The following SCLT1 variants were observed in gnomAD, a reference collection of about 807,000 sequenced individuals.
SCLT1 encodes sodium channel-associated protein 1.
In SCLT1, 78 loss-of-function variants were observed where a neutral mutation model predicts 112.8. The observed-to-expected ratio is 0.69, with a 90% CI of 0.58 to 0.83. The LOEUF (loss-of-function observed/expected upper bound fraction) is 0.83. Ranked by LOEUF, SCLT1 falls within the 40% of genes least tolerant of loss-of-function variation. SCLT1 has a pLI of 0.00. For missense variants in SCLT1, 747 were observed against 770.4 expected (o/e 0.97, Z 0.36); for synonymous variants, 257 against 254.7 (o/e 1.01, Z -0.09).
chr4:129,015,116 C>T (rs950890593), intron 5 of SCLT1, among the ~76,000 whole-genome samples: 2 of 152,034 alleles, frequency 1.3e-5, no homozygotes, highest in African/African-American at 4.8e-5. Flanking sequence ...TCTGTTCCCA[C>T]CAAGGCTCTG....
rs138628601 is a variant in SCLT1 at position 129,077,658 on chromosome 4, A to C, written c.102+4648T>G. Reference sequence around the variant, plus strand: ...ACAAAAAGGGGAAACACAAATTTATAAAAGATTTCTGTTGCTAGTAGCAAC... The same window carrying C: ...ACAAAAAGGGGAAACACAAATTTATCAAAGATTTCTGTTGCTAGTAGCAAC... On this transcript the variant is annotated intron_variant, in intron 2 of 20. Transcript: ENST00000281142. 5.0e-3 allele frequency among the ~76,000 whole-genome samples: 764 copies of C among 152,318 alleles called. 6 individuals carry two copies. The highest frequency in any genetic ancestry group is 0.017 in the African/African-American group (718 of 41,574).
chr4:128,877,950 C>T (rs1379771196), intron 3 of SCLT1, among the ~76,000 whole-genome samples: 5 of 152,070 alleles, frequency 3.3e-5, no homozygotes, highest in Non-Finnish European at 7.4e-5. Flanking sequence ...AACATATTTA[C>T]AGATCAAATA....
intron 5 of SCLT1, among the ~76,000 whole-genome samples, chr4:129,019,522 G>C (rs1174112118): frequency 1.3e-5 from 2 of 152,138 alleles, no homozygotes; most frequent in African/African-American, 4.8e-5. Flanking sequence ...AGAAGAGAGA[G>C]TCAGACAAAT....
intron 1 of SCLT1, among the ~76,000 whole-genome samples, chr4:129,088,529 G>A (rs1320640923): frequency 6.6e-6 from 1 of 152,162 alleles, no homozygotes; most frequent in Non-Finnish European, 1.5e-5. Context: ...GCAATAAGGT[G>A]AGAAAAAGAA....
At position 128,884,363 on chromosome 4, in the gene SCLT1, C is replaced by T. The variant is rs185042303; in HGVS notation, c.*114G>A. ...CCTCAAAACAGAACAACAATGCTTA[C>T]GCGAAATAACACAAGCCTTAACTAT... On this transcript the variant is annotated 3_prime_UTR_variant, in exon 21 of 21. Transcript: ENST00000281142. The T allele has an allele frequency of 7.5e-5, 48 of 640,792 alleles. No individual in the cohort carries two copies. The highest frequency in any genetic ancestry group is 3.9e-4 in the South Asian group (19 of 48,986). 39.7% of individuals were successfully genotyped at this position (640,792 alleles called of 1,614,324 possible).
chr4:128,952,249 C>A (rs1474529747), intron 14 of SCLT1: 3 of 429,708 alleles, frequency 7.0e-6, no homozygotes. Flanking sequence ...TTTCTCAATT[C>A]TTGAAAATTG....
At chr4:128,981,550 T>C (rs1741652996) in intron 9 of SCLT1, among the ~76,000 whole-genome samples, 1 of 152,080 alleles carries the variant, frequency 6.6e-6, no homozygotes. Context: ...ACCGTTTCTG[T>C]GGCCCCTACC....
At chr4:128,967,221 T>A (rs961056042) in intron 10 of SCLT1, among the ~76,000 whole-genome samples, 1 of 152,238 alleles carries the variant, frequency 6.6e-6, no homozygotes, top group African/African-American at 2.4e-5. Flanking sequence ...TATTCCATGG[T>A]GTACACGTAC....
intron 15 of SCLT1, among the ~76,000 whole-genome samples, chr4:128,947,917 AGAAAG>A (rs1172495575): frequency 6.6e-6 from 1 of 152,214 alleles, no homozygotes; most frequent in Non-Finnish European, 1.5e-5. Flanking sequence ...AAACTCAAAA[AGAAAG>A]GAAAGACAAA....
At chr4:129,083,181 ACT>A (rs773018487) in intron 1 of SCLT1, among the ~76,000 whole-genome samples, 18 of 78,452 alleles carry the variant, frequency 2.3e-4, no homozygotes, top group Non-Finnish European at 5.5e-4. Flanking sequence ...ACAGAGTGAG[ACT>A]CTGAAAAAAA....
intron 16 of SCLT1, among the ~76,000 whole-genome samples, chr4:128,943,760 C>A (rs1737913611): frequency 6.6e-6 from 1 of 152,030 alleles, no homozygotes; most frequent in Admixed American, 6.6e-5. Context: ...GGTGAGACAA[C>A]CTCTATACAT....
chr4:128,875,336 G>A (rs904504772), intron 4 of SCLT1: 4 of 152,558 alleles, frequency 2.6e-5, no homozygotes, highest in African/African-American at 7.2e-5. Context: ...AATGAGAACT[G>A]TAGAGAACAT....
At chr4:129,084,266 G>C (rs1561067961) in intron 1 of SCLT1, among the ~76,000 whole-genome samples, 1 of 152,134 alleles carries the variant, frequency 6.6e-6, no homozygotes. Flanking sequence ...ATAGTTATGA[G>C]TGCATATGTG....
At chr4:128,883,567 A>T (rs970434888), downstream of SCLT1, among the ~76,000 whole-genome samples, 7 of 152,172 alleles carry the variant, frequency 4.6e-5, no homozygotes, top group African/African-American at 1.2e-4. Context: ...ATAATAATAA[A>T]AAAAGATTCC....
intron 18 of SCLT1, among the ~76,000 whole-genome samples, chr4:128,917,626 G>A (rs1366458165): frequency 6.6e-6 from 1 of 152,040 alleles, no homozygotes; most frequent in Non-Finnish European, 1.5e-5. Flanking sequence ...TCTAGTAAAG[G>A]TATACTAAGT....
rs779934171 is a variant in SCLT1 at position 128,959,739 on chromosome 4, G to A, written c.908C>T (p.Thr303Ile). 2 of 1,613,188 alleles carry A rather than the reference G, an allele frequency of 1.2e-6. No individual in the cohort carries two copies. ...CTGTTTTTCCAGATGTGTATTTTCGGTTCTTAATTGGTTGGCTTCTTGGAT... is the reference window on the plus strand; with the variant it reads ...CTGTTTTTCCAGATGTGTATTTTCGATTCTTAATTGGTTGGCTTCTTGGAT... ...VTIQEANQLR[T>I]ENTHLEKQTR... is the part of the protein sequence containing the mutation. Residue 303 changes from threonine to isoleucine, a missense_variant, in exon 12 of 21, where the codon ACC (threonine) becomes ATC (isoleucine). Thr to Ile is a moderately conservative substitution (Grantham distance 89, BLOSUM62 -1). Around this residue, in one of 2 missense-constraint regions of SCLT1, gnomAD observed 723 missense variants for 721.3 expected, o/e 1.00. Transcript: ENST00000281142.
rs144022451 is a variant in SCLT1 at position 128,895,209 on chromosome 4, A to G, written c.1830-4072T>C. On this transcript the variant is annotated intron_variant, in intron 18 of 20. Transcript: ENST00000281142. ...GCAAATGAATGTACTCAACTAATAT[A>G]GTGGGTTTCCCTCTCTAAACCATGT... 4.0e-3 allele frequency among the ~76,000 whole-genome samples: 611 copies of G among 152,292 alleles called. 2 individuals carry two copies. The highest frequency in any genetic ancestry group is 6.8e-3 in the Non-Finnish European group (463 of 68,024).
chr4:129,085,095 G>A (rs576166270), intron 1 of SCLT1, among the ~76,000 whole-genome samples: 2 of 152,288 alleles, frequency 1.3e-5, no homozygotes, highest in South Asian at 4.1e-4. Context: ...GCTGCAAAGT[G>A]GGAGAAAATT....
chr4:128,889,111 A>G (rs1733113583), intron 19 of SCLT1, among the ~76,000 whole-genome samples: 1 of 152,210 alleles, frequency 6.6e-6, no homozygotes, highest in Non-Finnish European at 1.5e-5. Context: ...CCTTACAACC[A>G]GAGCTTTAGT....
Sources: allele counts gnomAD v4.1 joint callset (sites outside exome capture counted in the v4.1 genomes callset), GRCh38; gene constraint gnomAD v4.1.1; regional missense constraint gnomAD v4.1.1; transcripts MANE v1.5; gene names NCBI Gene and HGNC (gene_info 2026-07-23, HGNC 2026-07-21).